The following SQLE variants were observed in gnomAD, a reference collection of about 807,000 sequenced individuals.
SQLE encodes squalene monooxygenase.
Under a neutral mutation model 60.7 loss-of-function variants are expected in SQLE, and 29 were observed. The observed-to-expected ratio is 0.48, with a 90% CI of 0.36 to 0.65. The LOEUF (loss-of-function observed/expected upper bound fraction) is 0.65. SQLE is among the 30% of genes least tolerant of loss of function. The pLI is 0.00. For synonymous variants in SQLE, 237 were observed against 246.8 expected (o/e 0.96, Z 0.37); for missense variants, 605 against 684.1 (o/e 0.88, Z 1.29).
At chr8:125,005,041 A>G (rs1264359761) in intron 2 of SQLE, among the ~76,000 whole-genome samples, 5 of 152,060 alleles carry the variant, frequency 3.3e-5, no homozygotes, top group Admixed American at 6.6e-5. Flanking sequence ...TACCCTTTCC[A>G]TTTGGTTTGG....
rs915707622 is a variant in SQLE, at chr8:125,016,754, C to T, written c.1205-1305C>T. Among the ~76,000 whole-genome samples, 6 of 152,004 alleles carry T rather than the reference C, an allele frequency of 3.9e-5. No homozygotes were observed. The highest frequency in any genetic ancestry group is 1.2e-4 in the African/African-American group (5 of 41,380). ...TGTTTGTACCCATCTTTCTTGGGAA[C>T]GCTTTTGAAGTATTCAAAGGGAAGT... is the stretch of plus-strand genomic sequence containing the variant. On this transcript the variant is annotated intron_variant, in intron 7 of 10. Coordinates refer to ENST00000265896, the MANE Select transcript of SQLE (RefSeq NM_003129.4). This position sits in a 1 kb window ranked among gnomAD's most constrained non-coding sequence, Gnocchi z 4.1.
In SQLE at chr8:124,999,068, C is replaced by A; in HGVS notation, c.-336C>A. 3.4e-6 allele frequency: 1 copy of A among 293,740 alleles called. No individual in the cohort carries two copies. The allele number at this position is 293,740 out of a possible 1,614,324, so 18.2% of individuals were successfully genotyped here. A position where few individuals can be genotyped will look rare whatever the true frequency, so the allele number is the denominator to read the frequency against. ...GTATCAGAAGAGTATCCATCACCCG[C>A]AGCAACCGCTCAGGGAACACCATCA... On this transcript the variant is annotated 5_prime_UTR_variant, in exon 1 of 11. Coordinates refer to ENST00000265896, the MANE Select transcript of SQLE (RefSeq NM_003129.4).
At chr8:125,018,538 T>G (rs1300404902) in intron 8 of SQLE, 93 bp from the exon 9 acceptor site, 1 of 815,226 alleles carries the variant, frequency 1.2e-6, no homozygotes, top group Admixed American at 3.2e-5. Flanking sequence ...CAGATAGTCC[T>G]TAGAAGGATA....
intron 10 of SQLE, 152 bp downstream of exon 10, chr8:125,021,023 A>G: frequency 1.6e-6 from 1 of 610,378 alleles, no homozygotes. Flanking sequence ...GAAATGAAGA[A>G]ACGCAATATT....
rs868706261 is a variant in SQLE, at chr8:125,003,212, A to G, written c.328A>G (p.Ile110Val). ...KGTNISETSL[I>V]GTAACTSTSS... ...AACCAATATTTCAGAAACAAGCTTA[A>G]TAGGAACAGCTGCCTGTACATCAAC... is the stretch of plus-strand genomic sequence containing the variant. Residue 110 changes from isoleucine to valine, a missense_variant, in exon 2 of 11, where the codon ATA becomes GTA. Physicochemically the swap from Ile to Val is conservative, Grantham distance 29. Coordinates refer to ENST00000265896, the MANE Select transcript of SQLE (RefSeq NM_003129.4). The G allele has an allele frequency of 1.2e-5, 19 of 1,613,438 alleles. No individual in the cohort carries two copies. The African/African-American group carries it at 2.0e-4, about 17-fold the overall frequency.
intron 10 of SQLE, among the ~76,000 whole-genome samples, chr8:125,021,440 A>G (rs936153297): frequency 7.0e-6 from 1 of 143,182 alleles, no homozygotes; most frequent in Non-Finnish European, 1.5e-5. Context: ...ATGAGTAAAC[A>G]AACAGCTAAA....
Position 124,998,685 on chromosome 8 carries a change from G to T in SQLE, c.-719G>T, listed in dbSNP as rs1267239220. On this transcript the variant is annotated 5_prime_UTR_variant, in exon 1 of 11. Transcript: ENST00000265896. ...CACCTTTTATCGGTGGGGAAGTGCA[G>T]TCGCGGTGGGCGGCTCTGGGGGCCA... 3.1e-6 allele frequency: 2 copies of T among 642,530 alleles called. No individual in the cohort carries two copies. Among genetic ancestry groups the T allele is most frequent in the Non-Finnish European group, 5.7e-6 (2 of 353,436 alleles). The allele number at this position is 642,530 out of a possible 1,614,324, so 39.8% of individuals were successfully genotyped here.
chr8:125,005,391 T>A (rs1814930556), intron 2 of SQLE, 134 bp from the exon 3 acceptor site: 1 of 664,820 alleles, frequency 1.5e-6, no homozygotes, highest in Non-Finnish European at 2.3e-6. Context: ...CTGAAATAGT[T>A]ACATTAGTTT....
Position 125,021,960 on chromosome 8 carries a change from C to T in SQLE, c.*15C>T, listed in dbSNP as rs537467860. 1 of 1,560,854 alleles carries T rather than the reference C, an allele frequency of 6.4e-7. No homozygotes were observed. Among genetic ancestry groups the T allele is most frequent in the Admixed American group, 1.9e-5 (1 of 53,418 alleles). On this transcript the variant is annotated 3_prime_UTR_variant, in exon 11 of 11. Transcript: ENST00000265896. Reference sequence around the variant, plus strand: ...TGGTTCATTAAGCTTAAAGGGGAACCATTTGTGAATGAATATTTGGAACTT... The same window carrying T: ...TGGTTCATTAAGCTTAAAGGGGAACTATTTGTGAATGAATATTTGGAACTT...
intron 2 of SQLE, 144 bp from the exon 3 acceptor site, chr8:125,005,381 C>T (rs1588112525): frequency 3.3e-6 from 2 of 608,284 alleles, no homozygotes; most frequent in South Asian, 9.2e-5. Context: ...TTCACAGTTT[C>T]TGAAATAGTT....
rs754946518 is a variant in SQLE, at chr8:125,021,961, A to G, written c.*16A>G. The G allele has an allele frequency of 6.4e-7, 1 of 1,560,080 alleles. No individual in the cohort carries two copies. Among genetic ancestry groups the G allele is most frequent in the South Asian group, 1.2e-5 (1 of 84,138 alleles). ...GGTTCATTAAGCTTAAAGGGGAACC[A>G]TTTGTGAATGAATATTTGGAACTTA... On this transcript the variant is annotated 3_prime_UTR_variant, in exon 11 of 11. Transcript: ENST00000265896.
chr8:125,009,157 T>C lies in SQLE; in HGVS notation c.937-15T>C, dbSNP rs1035152304. 6 of 1,573,706 alleles carry C rather than the reference T, an allele frequency of 3.8e-6. No individual in the cohort carries two copies. In the East Asian group the frequency reaches 1.1e-4, roughly 30 times the overall value. The stretch of plus-strand genomic sequence containing the variant: ...TTTGAAAATTATTAAAACATTTTCT[T>C]TTTATTTGTTTTAGAATGCACCACA... On this transcript the variant is annotated splice_polypyrimidine_tract_variant and intron_variant, in intron 5 of 10. Transcript: ENST00000265896.
intron 3 of SQLE, among the ~76,000 whole-genome samples, chr8:125,007,154 A>G (rs887539974): frequency 1.6e-4 from 25 of 152,130 alleles, no homozygotes; most frequent in Admixed American, 6.5e-5. Flanking sequence ...TGAAAATCCA[A>G]TGTTACTTTT....
rs1295525146 is a variant in SQLE at position 125,019,313 on chromosome 8, A to T, written c.1444+586A>T. Among the ~76,000 whole-genome samples, 3 of 151,802 alleles carry T rather than the reference A, an allele frequency of 2.0e-5. No individual in the cohort carries two copies. In the Admixed American group the frequency reaches 2.0e-4, roughly 10 times the overall value. On this transcript the variant is annotated intron_variant, in intron 9 of 10. Coordinates refer to ENST00000265896, the MANE Select transcript of SQLE (RefSeq NM_003129.4). The stretch of plus-strand genomic sequence containing the variant: ...AAATGGAGGAAAAGAGGCCAGGCGA[A>T]ATGATTCATGCCTGTAATCCCAGCA...
At position 125,009,115 on chromosome 8, in the gene SQLE, A is replaced by G. The variant is rs376969435; in HGVS notation, c.936+31A>G. 5.7e-6 allele frequency: 9 copies of G among 1,569,186 alleles called. No homozygotes were observed. In the African/African-American group the frequency reaches 6.9e-5, roughly 12 times the overall value. On this transcript the variant is annotated intron_variant, in intron 5 of 10. Transcript: ENST00000265896. ...GTAGGAGTGTGTTATTGTAATTTCA[A>G]TAAAAGAAACTTGAAATTTGAAAAT...
intron 7 of SQLE, chr8:125,017,849 C>CA: frequency 1.8e-6 from 1 of 562,316 alleles, no homozygotes. Context: ...ACCATATCCC[C>CA]AGTGCCTGGC....
intron 7 of SQLE, among the ~76,000 whole-genome samples, chr8:125,013,536 A>G (rs1201631554): frequency 6.6e-6 from 1 of 151,808 alleles, no homozygotes; most frequent in African/African-American, 2.4e-5. Context: ...TATTTTTAGT[A>G]GAGACGGGGT....
At chr8:125,001,946 T>C (rs1365282686) in intron 1 of SQLE, among the ~76,000 whole-genome samples, 1 of 152,210 alleles carries the variant, frequency 6.6e-6, no homozygotes, top group Non-Finnish European at 1.5e-5. Flanking sequence ...TACTACAAAA[T>C]TGAATTGTTC....
chr8:125,005,747 T>G, intron 3 of SQLE, 42 bp downstream of exon 3: 9 of 1,450,614 alleles, frequency 6.2e-6, no homozygotes, highest in Non-Finnish European at 8.3e-6. Context: ...AAAGAATCAA[T>G]GCATTTAAAT....
Sources: gnomAD v4.1 joint callset for allele counts (sites outside exome capture counted in the v4.1 genomes callset) on GRCh38, gnomAD v4.1.1 for gene constraint, Gnocchi (gnomAD v3.1) non-coding constraint, MANE v1.5 for transcripts, NCBI Gene and HGNC (gene_info 2026-07-23, HGNC 2026-07-21) for gene names.